The following PHACTR4 variants were observed in gnomAD, a reference collection of about 807,000 sequenced individuals.
PHACTR4 encodes phosphatase and actin regulator 4.
In PHACTR4, 51 loss-of-function variants were observed where a neutral mutation model predicts 72.7. The ratio of observed to expected loss-of-function variants is 0.70; its 90% CI spans 0.56 to 0.89. The LOEUF is 0.89. PHACTR4 is among the 40% of genes least tolerant of loss of function. The probability of loss-of-function intolerance (pLI) is 0.00; values close to 1 mark genes in which losing one functional copy is unlikely to be tolerated. For synonymous variants in PHACTR4, 255 were observed against 302.5 expected, an observed-to-expected ratio of 0.84 and a Z score of 1.63; for missense variants, 731 against 861.8, an observed-to-expected ratio of 0.85 and a Z score of 1.90.
intron 2 of PHACTR4, among the ~76,000 whole-genome samples, chr1:28,408,595 T>C (rs980522905): frequency 2.0e-5 from 3 of 151,742 alleles, no homozygotes; most frequent in Non-Finnish European, 2.9e-5. Context: ...GTGGAAGTAA[T>C]CATAATAGCA....
At chr1:28,490,924 T>G in intron 10 of PHACTR4, 27 bp from the exon 11 acceptor site, 1 of 1,602,316 alleles carries the variant, frequency 6.2e-7, no homozygotes, top group Non-Finnish European at 8.6e-7. Context: ...GTGAGTAATA[T>G]TCCTTCCTTC....
At chr1:28,492,941 C>A in intron 12 of PHACTR4, 74 bp from the exon 13 acceptor site, 1 of 1,340,474 alleles carries the variant, frequency 7.5e-7, no homozygotes, top group South Asian at 1.2e-5. Context: ...AAACACAGTA[C>A]AGAAAAATGA....
At chr1:28,418,040 A>T (rs919590203) in intron 2 of PHACTR4, among the ~76,000 whole-genome samples, 1 of 151,974 alleles carries the variant, frequency 6.6e-6, no homozygotes, top group African/African-American at 2.4e-5. Context: ...TGGGAGGCTC[A>T]GGTGGGAGGA....
At chr1:28,411,156 C>T (rs1235940536) in intron 2 of PHACTR4, among the ~76,000 whole-genome samples, 1 of 151,866 alleles carries the variant, frequency 6.6e-6, no homozygotes, top group Admixed American at 6.6e-5. Context: ...AAGCAATTCT[C>T]CTGCCTCAGC....
At chr1:28,384,605 C>T (rs185218107) in intron 1 of PHACTR4, among the ~76,000 whole-genome samples, 1 of 152,064 alleles carries the variant, frequency 6.6e-6, no homozygotes, top group Admixed American at 6.6e-5. Flanking sequence ...TTTTCAAAGA[C>T]CCAACTCCAC....
chr1:28,431,564 C>G (rs531253775), intron 2 of PHACTR4, among the ~76,000 whole-genome samples: 2 of 151,994 alleles, frequency 1.3e-5, no homozygotes, highest in South Asian at 4.2e-4. Flanking sequence ...GAGTCAGACA[C>G]CAACAGTAAA....
chr1:28,454,790 G>A (rs1217525739), intron 2 of PHACTR4, among the ~76,000 whole-genome samples: 3 of 152,122 alleles, frequency 2.0e-5, no homozygotes, highest in African/African-American at 7.2e-5. Flanking sequence ...AGCTTCTGTT[G>A]TTTATTTGCA....
At position 28,479,538 on chromosome 1, in the gene PHACTR4, T is replaced by A. The variant is rs527774138; in HGVS notation, c.1607-913T>A. Among the ~76,000 whole-genome samples, 138 of 134,746 alleles carry A rather than the reference T, an allele frequency of 1.0e-3. 2 individuals carry two copies. The East Asian group carries it at 0.025, about 25-fold the overall frequency. The allele number at this position is 134,746 out of a possible 152,430, so 88.4% of individuals were successfully genotyped here. On this transcript the variant is annotated intron_variant, in intron 8 of 13. Coordinates refer to ENST00000373839, the MANE Select transcript of PHACTR4 (RefSeq NM_001048183.3). ...GCGGAGGTTGCAGTGAGCCGAGATC[T>A]TGCCACTGCACTGCAACCTGGGCAA...
At chr1:28,434,739 C>T (rs1656520408) in intron 2 of PHACTR4, among the ~76,000 whole-genome samples, 1 of 151,990 alleles carries the variant, frequency 6.6e-6, no homozygotes, top group Non-Finnish European at 1.5e-5. Context: ...ACTATATTGC[C>T]CAGGCTGGTC....
intron 1 of PHACTR4, among the ~76,000 whole-genome samples, chr1:28,386,827 A>T (rs575928192): frequency 3.3e-5 from 5 of 151,982 alleles, no homozygotes; most frequent in Non-Finnish European, 7.3e-5. Context: ...AACGATATTT[A>T]AAAAAATAGT....
At chr1:28,426,753 GC>G (rs1389996230) in intron 2 of PHACTR4, among the ~76,000 whole-genome samples, 1 of 147,404 alleles carries the variant, frequency 6.8e-6, no homozygotes. Context: ...GACAAGATCT[GC>G]CCCCACTGGT....
chr1:28,406,300 T>G (rs939173696), intron 1 of PHACTR4, among the ~76,000 whole-genome samples: 1 of 152,168 alleles, frequency 6.6e-6, no homozygotes, highest in Non-Finnish European at 1.5e-5. Context: ...ATTTACCAAA[T>G]TCTTCAAGAT....
At chr1:28,465,643 C>T (rs775471995) in intron 4 of PHACTR4, 42 bp from the exon 5 acceptor site, 3 of 1,569,048 alleles carry the variant, frequency 1.9e-6, no homozygotes, top group African/African-American at 2.8e-5. Context: ...TCTATCTGTT[C>T]ATGCCAACTT....
chr1:28,402,249 G>A (rs1653996047), intron 1 of PHACTR4, among the ~76,000 whole-genome samples: 1 of 152,076 alleles, frequency 6.6e-6, no homozygotes, highest in South Asian at 2.1e-4. Context: ...CCCTACTCAT[G>A]AATAGGGAAT....
At chr1:28,453,643 G>C in intron 2 of PHACTR4, 9 of 1,270,314 alleles carry the variant, frequency 7.1e-6, no homozygotes, top group Admixed American at 1.8e-5. Context: ...AGAGAGACTC[G>C]GTTCTAACAT....
intron 9 of PHACTR4, among the ~76,000 whole-genome samples, chr1:28,488,278 A>G (rs1033861559): frequency 6.6e-6 from 1 of 151,194 alleles, no homozygotes; most frequent in Non-Finnish European, 1.5e-5. Context: ...CAGGCGGATC[A>G]CAAGGTCAGG....
chr1:28,386,893 T>C (rs1485606906), intron 1 of PHACTR4, among the ~76,000 whole-genome samples: 1 of 152,146 alleles, frequency 6.6e-6, no homozygotes, highest in African/African-American at 2.4e-5. Flanking sequence ...TTTACCTGAG[T>C]ATAGGGCTCA....
chr1:28,376,489 CTTT>C (rs200449212), intron 1 of PHACTR4, among the ~76,000 whole-genome samples: 28 of 143,514 alleles, frequency 2.0e-4, no homozygotes, highest in Middle Eastern at 3.6e-3. Context: ...CTAATTTTTT[CTTT>C]TTTTTTTTTT....
chr1:28,471,828 C>T (rs61785972), intron 6 of PHACTR4, among the ~76,000 whole-genome samples: 7,127 of 152,090 alleles, frequency 0.047, 232 homozygotes, highest in Non-Finnish European at 0.074. Flanking sequence ...CAAGGTTGCC[C>T]TGCCATCAAG....
Sources: gnomAD v4.1 joint callset for allele counts (sites outside exome capture counted in the v4.1 genomes callset) on GRCh38, gnomAD v4.1.1 for gene constraint, MANE v1.5 for transcripts, NCBI Gene and HGNC (gene_info 2026-07-23, HGNC 2026-07-21) for gene names.